The following BLNK variants were observed in gnomAD, a reference collection of about 807,000 sequenced individuals.
The protein encoded by BLNK is B cell linker, also known as B-cell linker protein.
Under a neutral mutation model 73.5 loss-of-function variants are expected in BLNK, and 29 were observed. That is an observed-to-expected ratio of 0.39 (90% CI 0.29 to 0.54). The LOEUF is 0.54. BLNK is among the 20% of genes least tolerant of loss of function. The pLI is 0.61. For synonymous variants in BLNK, 176 were observed against 200.8 expected (o/e 0.88, Z 1.04); for missense variants, 460 against 562.8 (o/e 0.82, Z 1.85).
chr10:96,224,500 C>T (rs937599578), intron 5 of BLNK, among the ~76,000 whole-genome samples: 2 of 152,166 alleles, frequency 1.3e-5, no homozygotes, highest in African/African-American at 2.4e-5. Flanking sequence ...TCAGTGATTT[C>T]GCTCCATTCA....
intron 16 of BLNK, among the ~76,000 whole-genome samples, chr10:96,194,913 G>C (rs1554894341): frequency 6.6e-6 from 1 of 151,262 alleles, no homozygotes; most frequent in Non-Finnish European, 1.5e-5. Flanking sequence ...TGGGACTACA[G>C]GCACGCGCCA....
intron 15 of BLNK, among the ~76,000 whole-genome samples, chr10:96,198,072 G>A (rs2083521643): frequency 1.3e-5 from 2 of 151,730 alleles, no homozygotes; most frequent in African/African-American, 4.8e-5. Flanking sequence ...TGCAACAAGA[G>A]TTGATCAAAC....
rs1278292671 is a variant in BLNK at position 96,198,268 on chromosome 10, GAA to G, written c.1096-1207_1096-1206del. Among the ~76,000 whole-genome samples, 3 of 152,082 alleles carry G rather than the reference GAA, an allele frequency of 2.0e-5. No homozygotes were observed. In the East Asian group the frequency reaches 5.8e-4, roughly 29 times the overall value. ...CATAGAATCAAAGACAGTGATGGGA[GAA>G]AAAATGACAAAAAAGATCCAAAACG... On this transcript the variant is annotated intron_variant, in intron 15 of 16. Transcript: ENST00000224337.
Position 96,242,160 on chromosome 10 carries a change from C to T in BLNK, c.163+575G>A, listed in dbSNP as rs755208219. On this transcript the variant is annotated intron_variant, in intron 3 of 16. Transcript: ENST00000224337. ...ATTGAATCATGAGTGCAGTTTCCCCCGTACCGTTCTGGTGGCAGTGAATAA... is the reference window on the plus strand; with the variant it reads ...ATTGAATCATGAGTGCAGTTTCCCCTGTACCGTTCTGGTGGCAGTGAATAA... Among the ~76,000 whole-genome samples the T allele has an allele frequency of 2.8e-4, 43 of 152,298 alleles. 1 individual carries two copies. The highest frequency in any genetic ancestry group is 1.7e-3 in the South Asian group (8 of 4,824).
At chr10:96,251,267 G>A (rs1843273043) in intron 1 of BLNK, among the ~76,000 whole-genome samples, 1 of 152,208 alleles carries the variant, frequency 6.6e-6, no homozygotes, top group Non-Finnish European at 1.5e-5. Flanking sequence ...AGCTCATTAT[G>A]TCAACTGTCC....
chr10:96,263,865 C>T (rs1554913557), intron 1 of BLNK, among the ~76,000 whole-genome samples: 1 of 152,146 alleles, frequency 6.6e-6, no homozygotes, highest in African/African-American at 2.4e-5. Flanking sequence ...CAGTGTCAGC[C>T]CAACACAAAA....
chr10:96,227,335 ACC>A, intron 5 of BLNK, 73 bp downstream of exon 5: 2 of 1,576,458 alleles, frequency 1.3e-6, no homozygotes, highest in South Asian at 2.3e-5. Flanking sequence ...GTTTGTCCCC[ACC>A]CCGCAATCTT....
chr10:96,268,363 G>A (rs1238849208), intron 1 of BLNK, among the ~76,000 whole-genome samples: 4 of 152,144 alleles, frequency 2.6e-5, no homozygotes, highest in Non-Finnish European at 4.4e-5. Flanking sequence ...ACTGTGGAAC[G>A]ATTGAAACCC....
intron 1 of BLNK, among the ~76,000 whole-genome samples, chr10:96,269,244 C>T (rs1208443345): frequency 6.6e-6 from 1 of 152,088 alleles, no homozygotes; most frequent in Non-Finnish European, 1.5e-5. Flanking sequence ...TTTTCTATCC[C>T]ATAATCTATG....
chr10:96,194,108 T>A (rs1331239745), intron 16 of BLNK, among the ~76,000 whole-genome samples: 1 of 152,132 alleles, frequency 6.6e-6, no homozygotes, highest in African/African-American at 2.4e-5. Flanking sequence ...GGAATTCCTG[T>A]TTACCAGAGT....
chr10:96,247,276 G>A (rs1333076915), intron 1 of BLNK, among the ~76,000 whole-genome samples: 3 of 152,170 alleles, frequency 2.0e-5, no homozygotes, highest in East Asian at 1.9e-4. Context: ...GTCCCCTTCC[G>A]TTGGGATGTC....
intron 1 of BLNK, among the ~76,000 whole-genome samples, chr10:96,254,540 C>G (rs782611683): frequency 6.6e-6 from 1 of 151,754 alleles, no homozygotes; most frequent in South Asian, 2.1e-4. Flanking sequence ...GATGAAGTCT[C>G]GCTCTTGTCC....
chr10:96,203,834 C>T, intron 13 of BLNK: 1 of 399,650 alleles, frequency 2.5e-6, no homozygotes, highest in South Asian at 5.7e-5. Context: ...TATTAAATCG[C>T]TACTAAAAAA....
intron 8 of BLNK, 54 bp downstream of exon 8, chr10:96,215,267 T>C: frequency 6.5e-7 from 1 of 1,534,168 alleles, no homozygotes; most frequent in Non-Finnish European, 9.0e-7. Flanking sequence ...AGTTGATCTG[T>C]TTTTCTTATT....
At chr10:96,210,394 C>T (rs150622234) in intron 8 of BLNK, 206 of 173,352 alleles carry the variant, frequency 1.2e-3, no homozygotes, top group African/African-American at 3.0e-3. Flanking sequence ...CACTTAAATA[C>T]GGTAAATGCC....
At chr10:96,253,879 G>A (rs1843394461) in intron 1 of BLNK, among the ~76,000 whole-genome samples, 1 of 152,020 alleles carries the variant, frequency 6.6e-6, no homozygotes, top group African/African-American at 2.4e-5. Flanking sequence ...AAATTAGCCG[G>A]GCATGGTGGC....
intron 3 of BLNK, among the ~76,000 whole-genome samples, chr10:96,232,817 CTTTT>C (rs67469119): frequency 0.012 from 1,738 of 139,482 alleles, 35 homozygotes; most frequent in African/African-American, 0.043. Context: ...CTTTTCTAGT[CTTTT>C]TTTTTTTTTT....
At chr10:96,239,306 T>G (rs924468567) in intron 3 of BLNK, 23 of 396,160 alleles carry the variant, frequency 5.8e-5, no homozygotes, top group African/African-American at 4.5e-4. Flanking sequence ...GAGTGCAGAA[T>G]AATTAGTATT....
In BLNK at chr10:96,224,084, G is replaced by T; in HGVS notation, c.362-95C>A. On this transcript the variant is annotated intron_variant, in intron 5 of 16. Transcript: ENST00000224337. ...AGATCCAGAAAGTATAAAACCACGG[G>T]TGTCTATGTAGCCACAAATGATCCA... The T allele has an allele frequency of 3.5e-6, 5 of 1,425,624 alleles. No homozygotes were observed. In the South Asian group the frequency reaches 3.6e-5, roughly 10 times the overall value. The allele number at this position is 1,425,624 out of a possible 1,614,324, so 88.3% of individuals were successfully genotyped here. A position where few individuals can be genotyped will look rare whatever the true frequency, so the allele number is the denominator to read the frequency against.
Sources: allele counts gnomAD v4.1 joint callset (sites outside exome capture counted in the v4.1 genomes callset), GRCh38; gene constraint gnomAD v4.1.1; transcripts MANE v1.5; gene names NCBI Gene and HGNC (gene_info 2026-07-23, HGNC 2026-07-21).